CPXM2: variants seen among roughly 807,000 people sequenced by gnomAD.
The protein encoded by CPXM2 is carboxypeptidase X, M14 family member 2.
Under a neutral mutation model 86.1 loss-of-function variants are expected in CPXM2, and 66 were observed. The observed-to-expected ratio is 0.77, with a 90% CI of 0.63 to 0.94. The LOEUF is 0.94. Among genes scored for constraint, CPXM2 ranks in the 40% least tolerant of loss-of-function variants. The probability of loss-of-function intolerance (pLI) is 0.00; values close to 1 mark genes in which losing one functional copy is unlikely to be tolerated. For missense variants in CPXM2, 948 were observed against 1,026.3 expected (o/e 0.92, Z 1.04); for synonymous variants, 388 against 400.2 (o/e 0.97, Z 0.36).
At chr10:123,759,840 C>CTCCAA (rs1246538593) in intron 11 of CPXM2, among the ~76,000 whole-genome samples, 6 of 152,206 alleles carry the variant, frequency 3.9e-5, no homozygotes, top group African/African-American at 1.4e-4. Flanking sequence ...AGTGAAAGCA[C>CTCCAA]ACACACTCCA....
intron 8 of CPXM2, among the ~76,000 whole-genome samples, chr10:123,770,665 C>A (rs561956474): frequency 6.6e-6 from 1 of 152,094 alleles, no homozygotes; most frequent in African/African-American, 2.4e-5. Flanking sequence ...CAGAGGTGGA[C>A]GACAGAGAAT....
At chr10:123,922,139 C>A (rs763373005) in intron 2 of CPXM2, among the ~76,000 whole-genome samples, 1 of 152,148 alleles carries the variant, frequency 6.6e-6, no homozygotes, top group Non-Finnish European at 1.5e-5. Flanking sequence ...ACCTCTACCC[C>A]GTAGATACCA....
chr10:123,796,442 G>A (rs962228974), intron 6 of CPXM2, among the ~76,000 whole-genome samples: 2 of 152,066 alleles, frequency 1.3e-5, no homozygotes, highest in Admixed American at 6.6e-5. Flanking sequence ...GTCTCTAATG[G>A]TTTTGATGAC....
At chr10:123,903,911 C>T (rs28549913) in intron 2 of CPXM2, among the ~76,000 whole-genome samples, 25,153 of 152,162 alleles carry the variant, frequency 0.17, 2,183 homozygotes, top group Middle Eastern at 0.32. Context: ...CAGACTCTGG[C>T]GTGGGTTTGC....
intron 2 of CPXM2, among the ~76,000 whole-genome samples, chr10:123,929,087 C>T (rs1255499635): frequency 6.6e-6 from 1 of 152,158 alleles, no homozygotes; most frequent in African/African-American, 2.4e-5. Context: ...AGGTTTGAAG[C>T]CAGGAGACAT....
chr10:123,833,577 C>T (rs35532662), intron 4 of CPXM2, among the ~76,000 whole-genome samples: 35,660 of 152,090 alleles, frequency 0.23, 4,322 homozygotes, highest in East Asian at 0.42. Context: ...GTGTCCAGAC[C>T]GCACTCATGG....
intron 4 of CPXM2, among the ~76,000 whole-genome samples, chr10:123,802,769 C>A (rs1847488560): frequency 6.6e-6 from 1 of 152,182 alleles, no homozygotes. Flanking sequence ...TGTACTCAGA[C>A]CAGCAATAAA....
intron 3 of CPXM2, 76 bp downstream of exon 3, chr10:123,862,538 A>G: frequency 7.7e-7 from 1 of 1,293,648 alleles, no homozygotes; most frequent in Non-Finnish European, 1.1e-6. Context: ...AATCCTGCGC[A>G]TTGCCTGATC....
intron 10 of CPXM2, 84 bp downstream of exon 10, chr10:123,766,889 T>C: frequency 3.6e-6 from 4 of 1,125,132 alleles, no homozygotes; most frequent in Middle Eastern, 2.0e-4. Flanking sequence ...TGTCTCTTTC[T>C]TAAATGTGCT....
intron 4 of CPXM2, among the ~76,000 whole-genome samples, chr10:123,806,396 A>T (rs914708690): frequency 6.6e-5 from 10 of 152,192 alleles, no homozygotes; most frequent in African/African-American, 2.4e-4. Context: ...TAGAAAAATG[A>T]GTGTCAGCCA....
At chr10:123,924,623 G>A (rs958005178) in intron 2 of CPXM2, among the ~76,000 whole-genome samples, 14 of 152,310 alleles carry the variant, frequency 9.2e-5, no homozygotes, top group Admixed American at 6.5e-5. Flanking sequence ...TTTTATGGAA[G>A]TTTCATCACT....
intron 11 of CPXM2, among the ~76,000 whole-genome samples, chr10:123,760,956 C>A (rs1269259247): frequency 6.6e-6 from 1 of 152,170 alleles, no homozygotes; most frequent in Non-Finnish European, 1.5e-5. Flanking sequence ...TCTTGACCAA[C>A]CCTCACAAAA....
chr10:123,861,829 G>T (rs1439084013), intron 3 of CPXM2, among the ~76,000 whole-genome samples: 2 of 152,224 alleles, frequency 1.3e-5, no homozygotes, highest in Non-Finnish European at 2.9e-5. Flanking sequence ...AACTGTAAGA[G>T]AATACATTTG....
chr10:123,776,506 C>A lies in CPXM2; in HGVS notation c.978+3661G>T, dbSNP rs761179980. Among the ~76,000 whole-genome samples the A allele has an allele frequency of 1.3e-4, 20 of 152,294 alleles. No individual in the cohort carries two copies. The South Asian group carries it at 1.7e-3, about 13-fold the overall frequency. ...GATGGTAAAATGTTATGCGCAGTGACACTTGTTGTGGCATGTTTCATACTT... is the reference window on the plus strand; with the variant it reads ...GATGGTAAAATGTTATGCGCAGTGAAACTTGTTGTGGCATGTTTCATACTT... On this transcript the variant is annotated intron_variant, in intron 7 of 13. Transcript: ENST00000241305.
At chr10:123,880,828 CAAAAAAAAAA>C (rs71484548) in intron 1 of CPXM2, among the ~76,000 whole-genome samples, 1 of 53,970 alleles carries the variant, frequency 1.9e-5, no homozygotes. Flanking sequence ...GATTCCGTCT[CAAAAAAAAAA>C]AAAAAAAAAA....
chr10:123,821,156 C>T (rs1847915716), intron 4 of CPXM2, among the ~76,000 whole-genome samples: 1 of 152,174 alleles, frequency 6.6e-6, no homozygotes, highest in Admixed American at 6.5e-5. Context: ...AAATAGAAAG[C>T]TTAGGGCACA....
chr10:123,888,411 C>T (rs1270995997), intron 1 of CPXM2, among the ~76,000 whole-genome samples: 1 of 152,166 alleles, frequency 6.6e-6, no homozygotes, highest in African/African-American at 2.4e-5. Context: ...TTGCATCATC[C>T]ACCCAGTGAA....
At chr10:123,910,992 G>A (rs564160262) in intron 2 of CPXM2, among the ~76,000 whole-genome samples, 7 of 152,152 alleles carry the variant, frequency 4.6e-5, no homozygotes, top group Non-Finnish European at 1.0e-4. Context: ...CTCCCCTCGT[G>A]TGTCTGTGTC....
intron 4 of CPXM2, among the ~76,000 whole-genome samples, chr10:123,840,718 G>T (rs1033144474): frequency 6.6e-6 from 1 of 152,106 alleles, no homozygotes; most frequent in African/African-American, 2.4e-5. Context: ...TTTGCTGGAT[G>T]TTATAATATT....
Sources: allele counts gnomAD v4.1 joint callset (sites outside exome capture counted in the v4.1 genomes callset), GRCh38; gene constraint gnomAD v4.1.1; transcripts MANE v1.5; gene names NCBI Gene and HGNC (gene_info 2026-07-23, HGNC 2026-07-21).